The following ERC2 variants were observed in gnomAD, a reference collection of about 807,000 sequenced individuals.
ERC2 encodes ERC protein 2.
Under a neutral mutation model 114.8 loss-of-function variants are expected in ERC2, and 42 were observed. The ratio of observed to expected loss-of-function variants is 0.37; its 90% CI spans 0.29 to 0.47. The LOEUF (loss-of-function observed/expected upper bound fraction) is 0.47. Ranked by LOEUF, ERC2 falls within the 20% of genes least tolerant of loss-of-function variation. The pLI, the probability that ERC2 is intolerant of heterozygous loss-of-function variation, is 0.99. For synonymous variants in ERC2, 454 were observed against 425.5 expected (o/e 1.07, Z -0.82); for missense variants, 939 against 1,150.7 (o/e 0.82, Z 2.66).
At chr3:55,618,544 A>C (rs1399708528) in intron 17 of ERC2, among the ~76,000 whole-genome samples, 1 of 152,238 alleles carries the variant, frequency 6.6e-6, no homozygotes, top group African/African-American at 2.4e-5. Context: ...GTGTATATTT[A>C]TTAATGTGGA....
intron 13 of ERC2, among the ~76,000 whole-genome samples, chr3:55,910,885 T>TA (rs2149362947): frequency 6.6e-6 from 1 of 152,254 alleles, no homozygotes; most frequent in African/African-American, 2.4e-5. Context: ...GGATTAAAGG[T>TA]AAAAATGTAT....
At chr3:56,178,998 G>A (rs987953371) in intron 3 of ERC2, among the ~76,000 whole-genome samples, 3 of 145,604 alleles carry the variant, frequency 2.1e-5, no homozygotes, top group Non-Finnish European at 3.0e-5. Context: ...CACACTGAAA[G>A]AAGAAGAATT....
chr3:56,292,423 CAAAAAAA>C (rs796877268), intron 3 of ERC2, among the ~76,000 whole-genome samples: 16 of 77,056 alleles, frequency 2.1e-4, no homozygotes, highest in African/African-American at 5.8e-4. Context: ...ACCAAAAATA[CAAAAAAA>C]AAAAAAAAAA....
chr3:55,516,820 G>T (rs2052546307), intron 17 of ERC2, among the ~76,000 whole-genome samples: 2 of 152,182 alleles, frequency 1.3e-5, no homozygotes, highest in African/African-American at 2.4e-5. Context: ...CATTTGTTGC[G>T]TGCTATCTGC....
intron 14 of ERC2, among the ~76,000 whole-genome samples, chr3:55,831,410 A>C (rs1575754661): frequency 2.2e-5 from 1 of 44,666 alleles, no homozygotes; most frequent in Non-Finnish European, 3.8e-5. Context: ...AGGGGAGGGA[A>C]GGGGAGGGGA....
chr3:56,279,540 G>T (rs1270055672), intron 3 of ERC2, among the ~76,000 whole-genome samples: 2 of 152,206 alleles, frequency 1.3e-5, no homozygotes, highest in Non-Finnish European at 2.9e-5. Context: ...CCAGAAGCTG[G>T]CTGTTCAGCA....
At chr3:56,428,245 G>A (rs1046163078) in intron 2 of ERC2, among the ~76,000 whole-genome samples, 10 of 152,174 alleles carry the variant, frequency 6.6e-5, no homozygotes, top group Non-Finnish European at 5.9e-5. Context: ...TGCAGGCTGG[G>A]GGCGGTGGCT....
chr3:55,876,164 T>C (rs1028694022), intron 14 of ERC2, among the ~76,000 whole-genome samples: 1 of 152,244 alleles, frequency 6.6e-6, no homozygotes, highest in African/African-American at 2.4e-5. Context: ...TGAGTCTTCA[T>C]TGACATGGAT....
chr3:55,588,260 C>G (rs570189481), intron 17 of ERC2, among the ~76,000 whole-genome samples: 8 of 152,046 alleles, frequency 5.3e-5, no homozygotes, highest in African/African-American at 1.7e-4. Context: ...GTTCACAGTC[C>G]CCAACCCCTC....
chr3:55,991,982 A>T, intron 11 of ERC2, 75 bp downstream of exon 11: 1 of 1,339,424 alleles, frequency 7.5e-7, no homozygotes, highest in Non-Finnish European at 1.0e-6. Flanking sequence ...GTCCAAATCC[A>T]CCACAACCGG....
intron 4 of ERC2, 133 bp from the exon 5 acceptor site, chr3:56,149,265 T>C (rs546846519): frequency 2.7e-4 from 218 of 797,066 alleles, no homozygotes; most frequent in Non-Finnish European, 3.9e-4. Flanking sequence ...GCCCTGAATT[T>C]AGGACAACTT....
intron 3 of ERC2, among the ~76,000 whole-genome samples, chr3:56,251,397 G>T (rs141343470): frequency 2.2e-3 from 330 of 152,272 alleles, no homozygotes; most frequent in South Asian, 0.02. Flanking sequence ...TATTTTAAAT[G>T]GATTGTAAAA....
At chr3:56,380,669 C>T (rs1262292344) in intron 2 of ERC2, among the ~76,000 whole-genome samples, 1 of 152,138 alleles carries the variant, frequency 6.6e-6, no homozygotes, top group African/African-American at 2.4e-5. Flanking sequence ...AATTAAAAGC[C>T]ACAAATATGT....
chr3:56,007,111 G>T, intron 10 of ERC2, 70 bp downstream of exon 10: 2 of 1,392,714 alleles, frequency 1.4e-6, no homozygotes, highest in Non-Finnish European at 9.6e-7. Context: ...TTTTAAAAAC[G>T]TCTCTTCCTG....
At chr3:55,756,223 A>T (rs1239993246) in intron 14 of ERC2, among the ~76,000 whole-genome samples, 1 of 152,244 alleles carries the variant, frequency 6.6e-6, no homozygotes, top group African/African-American at 2.4e-5. Context: ...ACATAATTTA[A>T]TTATCCTCAG....
chr3:56,337,927 G>A (rs2057924188), intron 2 of ERC2, among the ~76,000 whole-genome samples: 2 of 152,298 alleles, frequency 1.3e-5, no homozygotes, highest in East Asian at 1.9e-4. Context: ...ACCACATGGT[G>A]CAAAAAATTA....
chr3:56,273,796 T>A (rs1367407645), intron 3 of ERC2, among the ~76,000 whole-genome samples: 1 of 152,190 alleles, frequency 6.6e-6, no homozygotes, highest in Admixed American at 6.5e-5. Context: ...GCCAGAACAC[T>A]GTTGCAATGT....
At chr3:55,548,095 G>A (rs997358358) in intron 17 of ERC2, among the ~76,000 whole-genome samples, 4 of 152,218 alleles carry the variant, frequency 2.6e-5, no homozygotes, top group Non-Finnish European at 1.5e-5. Context: ...ACAGCAGGAG[G>A]TCTCCTCCAA....
intron 15 of ERC2, among the ~76,000 whole-genome samples, chr3:55,707,121 A>C (rs1326226698): frequency 6.6e-6 from 1 of 152,028 alleles, no homozygotes; most frequent in Non-Finnish European, 1.5e-5. Flanking sequence ...AAGTCAGGGG[A>C]GGGAAATTAT....
Sources: gnomAD v4.1 joint callset for allele counts (sites outside exome capture counted in the v4.1 genomes callset) on GRCh38, gnomAD v4.1.1 for gene constraint, MANE v1.5 for transcripts, NCBI Gene and HGNC (gene_info 2026-07-23, HGNC 2026-07-21) for gene names.